The following KCNIP3 variants were observed in gnomAD, a reference collection of about 807,000 sequenced individuals.
KCNIP3 encodes calsenilin.
A neutral mutation model predicts 35.0 loss-of-function variants in KCNIP3; 28 were observed. That is an observed-to-expected ratio of 0.80 (90% CI 0.59 to 1.10). KCNIP3 has a LOEUF of 1.10. Ranked by LOEUF, KCNIP3 falls within the 50% of genes least tolerant of loss-of-function variation. The pLI, the probability that KCNIP3 is intolerant of heterozygous loss-of-function variation, is 0.00. For missense variants in KCNIP3, 295 were observed against 338.4 expected (o/e 0.87, Z 1.01); for synonymous variants, 134 against 133.8 (o/e 1.00, Z -0.01).
At chr2:95,335,199 A>G (rs1006525937) in intron 2 of KCNIP3, among the ~76,000 whole-genome samples, 6 of 152,254 alleles carry the variant, frequency 3.9e-5, no homozygotes, top group Admixed American at 2.6e-4. Flanking sequence ...GAAAAGATCT[A>G]TTCCCAGAAT....
In KCNIP3 at chr2:95,325,696, C is replaced by T. The variant is rs761308331; in HGVS notation, c.181+15176C>T. 6.4e-4 allele frequency among the ~76,000 whole-genome samples: 96 copies of T among 150,892 alleles called. No individual in the cohort carries two copies. The Middle Eastern group carries it at 0.01, about 16-fold the overall frequency. ...ACATACACACTCATACACATACACACTCATACATACACACAGTCATACACT... is the reference window on the plus strand; with the variant it reads ...ACATACACACTCATACACATACACATTCATACATACACACAGTCATACACT... On this transcript the variant is annotated intron_variant, in intron 2 of 8. Transcript: ENST00000295225.
At chr2:95,375,325 C>A in intron 5 of KCNIP3, 117 bp downstream of exon 5, 1 of 924,266 alleles carries the variant, frequency 1.1e-6, no homozygotes, top group Non-Finnish European at 1.7e-6. Flanking sequence ...TGGGAAGGAT[C>A]TTGTGAGTCA....
chr2:95,340,224 C>A (rs1027529978), intron 2 of KCNIP3, among the ~76,000 whole-genome samples: 1 of 152,190 alleles, frequency 6.6e-6, no homozygotes, highest in South Asian at 2.1e-4. Flanking sequence ...GTAATCCCAG[C>A]TGCTCAGGAG....
chr2:95,303,418 G>C (rs1678087887), intron 1 of KCNIP3: 1 of 152,342 alleles, frequency 6.6e-6, no homozygotes. Context: ...TGTTCAGGGG[G>C]AGAGGAAGGC....
At chr2:95,317,555 C>T (rs1255541208) in intron 2 of KCNIP3, among the ~76,000 whole-genome samples, 2 of 152,192 alleles carry the variant, frequency 1.3e-5, no homozygotes, top group Non-Finnish European at 2.9e-5. Context: ...CCCGGAAAGG[C>T]TGGGAGAGCC....
chr2:95,382,205 A>G lies in KCNIP3; in HGVS notation c.556-172A>G, dbSNP rs1409203782. Among the ~76,000 whole-genome samples, 3 of 152,184 alleles carry G rather than the reference A, an allele frequency of 2.0e-5. No individual in the cohort carries two copies. The highest frequency in any genetic ancestry group is 2.9e-5 in the Non-Finnish European group (2 of 68,018). On this transcript the variant is annotated intron_variant, in intron 6 of 8. Transcript: ENST00000295225. This position sits in a 1 kb window ranked among gnomAD's most constrained non-coding sequence, Gnocchi z 4.5. ...TGGGAGATGAGCTTCCCCTAGAGTC[A>G]GAAGCTCGCTCTGGGTGCCCTGGAA... is the stretch of plus-strand genomic sequence containing the variant.
intron 3 of KCNIP3, 128 bp downstream of exon 3, chr2:95,374,548 G>T: frequency 8.1e-7 from 1 of 1,235,246 alleles, no homozygotes; most frequent in South Asian, 1.5e-5. Flanking sequence ...GGAAAGCTGT[G>T]TGGCGGGGGC....
chr2:95,375,961 C>T (rs1680174875), intron 5 of KCNIP3, among the ~76,000 whole-genome samples: 1 of 152,228 alleles, frequency 6.6e-6, no homozygotes, highest in Admixed American at 6.5e-5. Context: ...CAGAGAAGCA[C>T]ATGGGGCCAG....
chr2:95,368,598 T>C, intron 2 of KCNIP3: 2 of 379,634 alleles, frequency 5.3e-6, no homozygotes, highest in Non-Finnish European at 5.2e-6. Flanking sequence ...TTTGTGTCTT[T>C]GCCATCCCGT....
intron 2 of KCNIP3, chr2:95,368,651 G>T: frequency 3.0e-6 from 1 of 330,002 alleles, no homozygotes; most frequent in South Asian, 5.0e-5. Flanking sequence ...GCTAACAACA[G>T]ACATACTCTA....
intron 1 of KCNIP3, among the ~76,000 whole-genome samples, chr2:95,298,413 T>C (rs1162004934): frequency 4.6e-5 from 7 of 152,052 alleles, no homozygotes; most frequent in Non-Finnish European, 1.0e-4. Flanking sequence ...ACATAACTGC[T>C]GGAGCTCCAG....
chr2:95,306,674 G>C (rs1347005679), intron 1 of KCNIP3, among the ~76,000 whole-genome samples: 1 of 152,182 alleles, frequency 6.6e-6, no homozygotes, highest in African/African-American at 2.4e-5. Flanking sequence ...GGAGGGGCAC[G>C]GTGGGGCTGT....
intron 2 of KCNIP3, chr2:95,347,252 CT>C: frequency 1.3e-6 from 1 of 753,912 alleles, no homozygotes; most frequent in Non-Finnish European, 2.2e-6. Context: ...CCCCTCCCGG[CT>C]CCGGAGGGTT....
chr2:95,360,152 C>T (rs955646711), intron 2 of KCNIP3, among the ~76,000 whole-genome samples: 2 of 151,282 alleles, frequency 1.3e-5, no homozygotes, highest in Non-Finnish European at 2.9e-5. Context: ...ATTCTGCCTT[C>T]CATACTCCAG....
At chr2:95,308,701 T>G (rs1290334963) in intron 1 of KCNIP3, among the ~76,000 whole-genome samples, 1 of 152,134 alleles carries the variant, frequency 6.6e-6, no homozygotes, top group Non-Finnish European at 1.5e-5. Context: ...CTCTCTGATC[T>G]CGTCTGCTTT....
chr2:95,362,520 G>A (rs949000146), intron 2 of KCNIP3, among the ~76,000 whole-genome samples: 13 of 152,184 alleles, frequency 8.5e-5, no homozygotes, highest in African/African-American at 3.1e-4. Context: ...GTCACACTGG[G>A]GGTTAAGACT....
chr2:95,324,970 A>G (rs1344310609), intron 2 of KCNIP3, among the ~76,000 whole-genome samples: 1 of 152,240 alleles, frequency 6.6e-6, no homozygotes, highest in Non-Finnish European at 1.5e-5. Flanking sequence ...AGGAAATGCA[A>G]AAAGCCCAGG....
chr2:95,342,288 G>C (rs1316760027), intron 2 of KCNIP3, among the ~76,000 whole-genome samples: 1 of 152,200 alleles, frequency 6.6e-6, no homozygotes, highest in Non-Finnish European at 1.5e-5. Context: ...CTTAAGCAAA[G>C]CATTAACCAC....
rs1364709213 is a variant in KCNIP3, at chr2:95,371,164, C to T, written c.182-3132C>T. Among the ~76,000 whole-genome samples the T allele has an allele frequency of 4.6e-5, 7 of 152,192 alleles. No individual in the cohort carries two copies. The East Asian group carries it at 1.3e-3, about 29-fold the overall frequency. On this transcript the variant is annotated intron_variant, in intron 2 of 8. Transcript: ENST00000295225. ...ATTTTTTAGATTCTGACTCTTAGAT[C>T]TAGAAGCTTATGTCATTGCTTTTAC...
Sources: gnomAD v4.1 joint callset for allele counts (sites outside exome capture counted in the v4.1 genomes callset) on GRCh38, gnomAD v4.1.1 for gene constraint, Gnocchi (gnomAD v3.1) non-coding constraint, MANE v1.5 for transcripts, NCBI Gene and HGNC (gene_info 2026-07-23, HGNC 2026-07-21) for gene names.